The following RYR1 variants were observed in gnomAD, a reference collection of about 807,000 sequenced individuals.
The protein encoded by RYR1 is central core disease of muscle.
A neutral mutation model predicts 583.5 loss-of-function variants in RYR1; 342 were observed. The ratio of observed to expected loss-of-function variants is 0.59; its 90% CI spans 0.54 to 0.64. The LOEUF is 0.64. Ranked by LOEUF, RYR1 falls within the 30% of genes least tolerant of loss-of-function variation. RYR1 has a pLI of 0.00. For missense variants in RYR1, 6,032 were observed against 6,917.2 expected (o/e 0.87, Z 4.54); for synonymous variants, 2,791 against 2,822.5 (o/e 0.99, Z 0.35).
At chr19:38,564,755 A>G (rs962791685) in intron 90 of RYR1, among the ~76,000 whole-genome samples, 5 of 152,140 alleles carry the variant, frequency 3.3e-5, no homozygotes, top group African/African-American at 1.2e-4. Context: ...ACCCCAAGTG[A>G]TCTGCCAGCC....
chr19:38,585,418 ATT>A (rs554320530), intron 102 of RYR1, among the ~76,000 whole-genome samples: 64 of 147,118 alleles, frequency 4.4e-4, no homozygotes, highest in African/African-American at 1.5e-3. Flanking sequence ...GTTTATATAT[ATT>A]TATATATGTG....
intron 42 of RYR1, among the ~76,000 whole-genome samples, chr19:38,498,794 G>T (rs1385370818): frequency 6.6e-6 from 1 of 152,176 alleles, no homozygotes; most frequent in Non-Finnish European, 1.5e-5. Flanking sequence ...GTGGGTTTTG[G>T]CCGGCTTCTT....
In RYR1 at chr19:38,512,523, G is replaced by T. The variant is rs557714937; in HGVS notation, c.9472+40G>T. ...CCCAAGGGCAGGTTGCGGGGAGTCAGTGTGGCCAACACCACCCATCCGGGT... is the reference window on the plus strand; with the variant it reads ...CCCAAGGGCAGGTTGCGGGGAGTCATTGTGGCCAACACCACCCATCCGGGT... On this transcript the variant is annotated intron_variant, in intron 63 of 105. Transcript: ENST00000359596. The surrounding 1 kb of genome is among the most constrained non-coding windows in gnomAD (Gnocchi z 5.1). The T allele has an allele frequency of 6.3e-7, 1 of 1,582,438 alleles. No individual in the cohort carries two copies. Among genetic ancestry groups the T allele is most frequent in the Admixed American group, 1.7e-5 (1 of 59,986 alleles).
At chr19:38,511,734 A>C in intron 61 of RYR1, 124 bp downstream of exon 61, 1 of 1,198,662 alleles carries the variant, frequency 8.3e-7, no homozygotes, top group South Asian at 1.2e-5. Context: ...GGACCTGGAG[A>C]CATGGACCAG....
At chr19:38,527,916 A>G (rs1422429926) in intron 73 of RYR1, 132 bp downstream of exon 73, 4 of 969,504 alleles carry the variant, frequency 4.1e-6, no homozygotes, top group Non-Finnish European at 6.0e-6. Context: ...TGGAGCCTCG[A>G]GTTTAAGGCG....
chr19:38,460,956 G>C (rs1414140152), intron 20 of RYR1, among the ~76,000 whole-genome samples: 1 of 152,154 alleles, frequency 6.6e-6, no homozygotes, highest in African/African-American at 2.4e-5. Context: ...TTGTACTCCA[G>C]CCTAAGCAAC....
Position 38,517,624 on chromosome 19 carries a change from G to A in RYR1, c.9951G>A (p.Gly3317=). ...CTGACCACCTCAACTCCCTGCTGGGGAATATCCTGAGAATCATCGTCAACA... is the reference window on the plus strand; with the variant it reads ...CTGACCACCTCAACTCCCTGCTGGGAAATATCCTGAGAATCATCGTCAACA... The part of the protein sequence containing the change: ...VTSDHLNSLL[G]NILRIIVNNL... Residue 3317 remains glycine (G), a synonymous_variant, in exon 66 of 106, where the codon GGG becomes GGA. Transcript: ENST00000359596. The A allele has an allele frequency of 6.2e-7, 1 of 1,614,192 alleles. No individual in the cohort carries two copies. The highest frequency in any genetic ancestry group is 8.5e-7 in the Non-Finnish European group (1 of 1,180,040).
In RYR1 at chr19:38,455,314, G is replaced by A. The variant is rs996789266; in HGVS notation, c.1520G>A (p.Gly507Glu). ...TTAAHFAEFA[G>E]EEAAESWKEI... The stretch of plus-strand genomic sequence containing the variant: ...GCTGCCCACTTTGCTGAGTTTGCAG[G>A]GGAGGAGGCAGCCGAGTCCTGGAAA... The change falls in exon 14 of 106, where the codon GGG becomes GAG. Residue 507 changes from glycine to glutamate, a missense_variant. By Grantham distance (98) the Gly-to-Glu change is moderately conservative (BLOSUM62 -2). Around this residue, in one of 11 missense-constraint regions of RYR1, gnomAD observed 2,627 missense variants for 2,961.3 expected, o/e 0.89. Transcript: ENST00000359596. 1 of 1,614,042 alleles carries A rather than the reference G, an allele frequency of 6.2e-7. No homozygotes were observed. The highest frequency in any genetic ancestry group is 8.5e-7 in the Non-Finnish European group (1 of 1,179,990).
intron 34 of RYR1, among the ~76,000 whole-genome samples, chr19:38,486,630 C>T (rs544565439): frequency 3.3e-5 from 5 of 152,094 alleles, no homozygotes; most frequent in African/African-American, 4.8e-5. Flanking sequence ...CGTGAGCCAC[C>T]GCGTCCGGCC....
chr19:38,477,485 C>T (rs547172945), intron 29 of RYR1, among the ~76,000 whole-genome samples: 4 of 152,204 alleles, frequency 2.6e-5, no homozygotes, highest in South Asian at 4.1e-4. Flanking sequence ...TGGGAGGAAC[C>T]CAAATATGGC....
In RYR1 at chr19:38,442,392, A is replaced by C; in HGVS notation, c.209A>C (p.Gln70Pro). ...GCCATCTGTTGCTTCGTCCTGGAGC[A>C]GTCCCTGTCTGTGCGAGCCCTGCAG... The part of the protein sequence containing the change: ...DLAICCFVLE[Q>P]SLSVRALQEM... Residue 70 changes from glutamine to proline, a missense_variant, in exon 3 of 106, where the codon CAG becomes CCG. Physicochemically the swap from Gln to Pro is moderately conservative, Grantham distance 76. This residue lies in a region of RYR1 where 6 missense variants were observed against 30.2 expected (regional missense o/e 0.20). Transcript: ENST00000359596. 6.2e-7 allele frequency: 1 copy of C among 1,613,224 alleles called. No homozygotes were observed. The highest frequency in any genetic ancestry group is 8.5e-7 in the Non-Finnish European group (1 of 1,179,634).
Position 38,473,375 on chromosome 19 carries a change from AG to A in RYR1, c.3766del. On this transcript the variant is annotated splice_acceptor_variant, in intron 27 of 105. Coordinates refer to ENST00000359596, the MANE Select transcript of RYR1 (RefSeq NM_000540.3). LOFTEE classifies it high-confidence loss of function. ...CCAGTACTCCATTCCCTGCCACCTC[AG>A]GTATCCCGAGTGGACGGCACTGTGG... 6.2e-7 allele frequency: 1 copy of A among 1,613,634 alleles called. No individual in the cohort carries two copies. The highest frequency in any genetic ancestry group is 8.5e-7 in the Non-Finnish European group (1 of 1,179,918).
chr19:38,500,386 C>T lies in RYR1; in HGVS notation c.7324-220C>T, dbSNP rs1286165963. Among the ~76,000 whole-genome samples the T allele has an allele frequency of 4.1e-5, 5 of 120,492 alleles. No homozygotes were observed. Among genetic ancestry groups the T allele is most frequent in the Non-Finnish European group, 6.7e-5 (4 of 59,366 alleles). 79.0% of individuals were successfully genotyped at this position (120,492 alleles called of 152,430 possible). On this transcript the variant is annotated intron_variant, in intron 45 of 105. Coordinates refer to ENST00000359596, the MANE Select transcript of RYR1 (RefSeq NM_000540.3). The surrounding 1 kb of genome is among the most constrained non-coding windows in gnomAD (Gnocchi z 5.9). Reference sequence around the variant, plus strand: ...AGGGGTCGGGGCCAGGATGAGGGGTCGCAGGGAGAGGGGTCAGGATGAGGT... The same window carrying T: ...AGGGGTCGGGGCCAGGATGAGGGGTTGCAGGGAGAGGGGTCAGGATGAGGT...
Position 38,440,832 on chromosome 19 carries a change from C to T in RYR1, c.133C>T (p.Leu45=), listed in dbSNP as rs1972639888. The change falls in exon 2 of 106, where the codon CTG becomes TTG. Residue 45 remains leucine, a synonymous_variant. Coordinates refer to ENST00000359596, the MANE Select transcript of RYR1 (RefSeq NM_000540.3). ...GGCCGCCGAGGGCTTCGGCAACCGC[C>T]TGTGCTTCCTGGAGCCCACTAGCAA... is the stretch of plus-strand genomic sequence containing the variant. The part of the protein sequence containing the change: ...CLAAEGFGNR[L]CFLEPTSNAQ... The T allele has an allele frequency of 6.2e-7, 1 of 1,611,404 alleles. No individual in the cohort carries two copies. The highest frequency in any genetic ancestry group is 8.5e-7 in the Non-Finnish European group (1 of 1,179,532).
chr19:38,475,547 C>T, intron 29 of RYR1, 97 bp downstream of exon 29: 3 of 1,472,284 alleles, frequency 2.0e-6, no homozygotes, highest in South Asian at 1.1e-5. Flanking sequence ...TAGCTGCCCA[C>T]CTTACACTGG....
At position 38,500,858 on chromosome 19, in the gene RYR1, C is replaced by G. The variant is rs201375572; in HGVS notation, c.7482C>G (p.Phe2494Leu). 8.7e-6 allele frequency: 14 copies of G among 1,600,452 alleles called. No individual in the cohort carries two copies. In the South Asian group the frequency reaches 1.5e-4, roughly 18 times the overall value. Residue 2494 changes from phenylalanine to leucine, a missense_variant, in exon 47 of 106, where the codon TTC becomes TTG. By Grantham distance (22) the Phe-to-Leu change is conservative. This residue lies in a region of RYR1 where 2,627 missense variants were observed against 2,961.3 expected (regional missense o/e 0.89). Coordinates refer to ENST00000359596, the MANE Select transcript of RYR1 (RefSeq NM_000540.3). This position sits in a 1 kb window ranked among gnomAD's most constrained non-coding sequence, Gnocchi z 5.9. ...TGCAGCCAAAGATGTCAGCATCCTT[C>G]GTGCCGGACCACAAGGCGTCCATGG... ...ALVQPKMSAS[F>L]VPDHKASMVL...
chr19:38,499,531 T>G lies in RYR1; in HGVS notation c.7028-104T>G, dbSNP rs901112673. ...CTCTGGAGGTGTTGGGTCCTGGAGC[T>G]GGATGGGACCTGTGTTACCCCTGGA... On this transcript the variant is annotated intron_variant, in intron 43 of 105. Transcript: ENST00000359596. This position sits in a 1 kb window ranked among gnomAD's most constrained non-coding sequence, Gnocchi z 7.3. The G allele has an allele frequency of 1.5e-6, 2 of 1,346,108 alleles. No individual in the cohort carries two copies. The highest frequency in any genetic ancestry group is 1.9e-5 in the Admixed American group (1 of 53,122). 83.4% of individuals were successfully genotyped at this position (1,346,108 alleles called of 1,614,324 possible). A position where few individuals can be genotyped will look rare whatever the true frequency, so the allele number is the denominator to read the frequency against.
intron 83 of RYR1, chr19:38,537,097 C>T: frequency 2.1e-6 from 1 of 469,020 alleles, no homozygotes; most frequent in Non-Finnish European, 3.9e-6. Context: ...CCCAGATTCG[C>T]AGTCCCGGTG....
In RYR1 at chr19:38,566,936, CGCCAGA is replaced by C; in HGVS notation, c.13473_13478del (p.Pro4497_Glu4498del). 2 of 1,606,294 alleles carry C rather than the reference CGCCAGA, an allele frequency of 1.2e-6. No homozygotes were observed. Among genetic ancestry groups the C allele is most frequent in the Non-Finnish European group, 1.7e-6 (2 of 1,176,768 alleles). ...GTGGATGGAGTGGAGGAGGAGCTCC[CGCCAGA>C]GCCAGAGCCCGAGCCGGAACCAGAG... On this transcript the variant is annotated inframe_deletion, in exon 92 of 106. Transcript: ENST00000359596.
Sources: allele counts gnomAD v4.1 joint callset (sites outside exome capture counted in the v4.1 genomes callset), GRCh38; gene constraint gnomAD v4.1.1; regional missense constraint gnomAD v4.1.1; non-coding constraint Gnocchi (gnomAD v3.1); transcripts MANE v1.5; gene names NCBI Gene and HGNC (gene_info 2026-07-23, HGNC 2026-07-21).